The following PUDP variants were observed in gnomAD, a reference collection of about 807,000 sequenced individuals.
PUDP encodes the protein pseudouridine 5'-phosphatase.
A neutral mutation model predicts 9.4 loss-of-function variants in PUDP; 8 were observed. The ratio of observed to expected loss-of-function variants is 0.85; its 90% CI spans 0.50 to 1.53. The LOEUF (loss-of-function observed/expected upper bound fraction) is 1.53, where lower values mean the gene tolerates loss of function less well. Among genes scored for constraint, PUDP ranks in the 40% most tolerant of loss-of-function variants. PUDP has a pLI of 0.00. For missense variants in PUDP, 188 were observed against 189.7 expected, an observed-to-expected ratio of 0.99 and a Z score of 0.05; for synonymous variants, 99 against 80.7, an observed-to-expected ratio of 1.23 and a Z score of -1.22.
intron 1 of PUDP, among the ~76,000 whole-genome samples, chrX:7,013,777 G>A (rs765614250): frequency 1.8e-5 from 2 of 111,753 alleles, no homozygotes; most frequent in Non-Finnish European, 1.9e-5. Flanking sequence ...TGTCTGGGGA[G>A]GGGGGGTGCC....
At chrX:7,109,966 T>A (rs1754585549) in intron 1 of PUDP, among the ~76,000 whole-genome samples, 1 of 112,269 alleles carries the variant, frequency 8.9e-6, no homozygotes, top group South Asian at 3.7e-4. Flanking sequence ...CCCTTGTGAC[T>A]GTGACCACTC....
At chrX:6,909,864 T>G (rs1927823484) in intron 3 of PUDP, among the ~76,000 whole-genome samples, 1 of 112,565 alleles carries the variant, frequency 8.9e-6, no homozygotes, top group Non-Finnish European at 1.9e-5. Context: ...CAGTATTATT[T>G]GATTCTGATT....
intron 3 of PUDP, among the ~76,000 whole-genome samples, chrX:6,876,900 CAT>C (rs1221514635): frequency 9.3e-6 from 1 of 107,448 alleles, no homozygotes; most frequent in Non-Finnish European, 1.9e-5. Flanking sequence ...TACATATAGA[CAT>C]ATATATGTGT....
intron 1 of PUDP, among the ~76,000 whole-genome samples, chrX:6,983,721 G>C (rs1336933091): frequency 8.9e-6 from 1 of 111,973 alleles, no homozygotes. Context: ...GAGGTTATGA[G>C]GTAAGAAAAT....
At chrX:7,076,879 C>A (rs187329107) in intron 3 of PUDP, among the ~76,000 whole-genome samples, 4 of 112,199 alleles carry the variant, frequency 3.6e-5, no homozygotes, top group Non-Finnish European at 7.5e-5. Flanking sequence ...TGCACCTAGA[C>A]AATAAGACTG....
At chrX:7,068,551 G>A (rs1333950851) in intron 3 of PUDP, among the ~76,000 whole-genome samples, 2 of 112,026 alleles carry the variant, frequency 1.8e-5, no homozygotes, top group African/African-American at 6.5e-5. Flanking sequence ...GGGAAGAAAC[G>A]TACAAATGAG....
intron 3 of PUDP, among the ~76,000 whole-genome samples, chrX:6,920,614 A>C (rs1602673491): frequency 9.0e-6 from 1 of 111,602 alleles, no homozygotes; most frequent in Admixed American, 9.5e-5. Flanking sequence ...AAAAGAATGC[A>C]ACCTTTTGTC....
At chrX:6,722,315 C>T (rs1293328756), upstream of PUDP, among the ~76,000 whole-genome samples, 1 of 109,182 alleles carries the variant, frequency 9.2e-6, no homozygotes, top group Non-Finnish European at 1.9e-5. Flanking sequence ...GGTGGTGGCA[C>T]GCGCCTGTAA....
intron 3 of PUDP, among the ~76,000 whole-genome samples, chrX:6,887,192 T>G (rs1352893580): frequency 9.4e-6 from 1 of 106,023 alleles, no homozygotes; most frequent in East Asian, 2.8e-4. Context: ...TATTTATAAT[T>G]AAATATATTT....
At chrX:7,012,544 C>A (rs1421175484) in intron 1 of PUDP, among the ~76,000 whole-genome samples, 1 of 111,324 alleles carries the variant, frequency 9.0e-6, no homozygotes, top group Non-Finnish European at 1.9e-5. Flanking sequence ...CTGATCCCAG[C>A]AAGGCAGGGT....
At chrX:6,990,446 T>G (rs1929160996) in intron 1 of PUDP, among the ~76,000 whole-genome samples, 2 of 112,079 alleles carry the variant, frequency 1.8e-5, no homozygotes, top group African/African-American at 6.5e-5. Flanking sequence ...AAAATTCACT[T>G]ATTTGAACCA....
chrX:6,790,194 A>G (rs1201241284), intron 3 of PUDP, among the ~76,000 whole-genome samples: 1 of 111,800 alleles, frequency 8.9e-6, no homozygotes, highest in Non-Finnish European at 1.9e-5. Context: ...ACAGATAATG[A>G]CATACAAACA....
intron 3 of PUDP, among the ~76,000 whole-genome samples, chrX:6,752,775 G>A (rs1925117314): frequency 9.0e-6 from 1 of 111,428 alleles, no homozygotes; most frequent in East Asian, 2.8e-4. Context: ...AAACTAGGAA[G>A]AAGAGGGAAA....
intron 1 of PUDP, among the ~76,000 whole-genome samples, chrX:7,135,612 C>T (rs185477241): frequency 2.6e-4 from 29 of 112,267 alleles, no homozygotes; most frequent in African/African-American, 9.0e-4. Context: ...TTCCATATCT[C>T]CAACATCAAT....
chrX:6,993,615 A>G (rs914470264), intron 1 of PUDP, among the ~76,000 whole-genome samples: 23 of 112,348 alleles, frequency 2.0e-4, no homozygotes, highest in Non-Finnish European at 4.1e-4. Flanking sequence ...TGCACTTCAT[A>G]CATGGATTTG....
intron 3 of PUDP, among the ~76,000 whole-genome samples, chrX:6,831,372 G>C (rs1246643621): frequency 8.9e-6 from 1 of 111,820 alleles, no homozygotes; most frequent in Non-Finnish European, 1.9e-5. Context: ...GTAAGAAAGG[G>C]GTTTGTCTTA....
chrX:7,065,894 G>C (rs1048719051), intron 3 of PUDP, among the ~76,000 whole-genome samples: 3 of 112,226 alleles, frequency 2.7e-5, no homozygotes, highest in African/African-American at 9.7e-5. Context: ...GCAGTGAAGA[G>C]AAACAATGCC....
At chrX:6,951,377 A>G (rs1928557940) in intron 3 of PUDP, among the ~76,000 whole-genome samples, 1 of 110,757 alleles carries the variant, frequency 9.0e-6, no homozygotes, top group Admixed American at 9.7e-5. Context: ...TTTGTTCTGT[A>G]TTCTTCCAAT....
At chrX:6,875,701 G>A (rs985887019) in intron 3 of PUDP, among the ~76,000 whole-genome samples, 14 of 111,674 alleles carry the variant, frequency 1.3e-4, no homozygotes, top group African/African-American at 4.6e-4. Context: ...GCAGGTAGGT[G>A]TTAAGACAAT....
Sources: gnomAD v4.1 joint callset for allele counts (sites outside exome capture counted in the v4.1 genomes callset) on GRCh38, gnomAD v4.1.1 for gene constraint, MANE v1.5 for transcripts, NCBI Gene and HGNC (gene_info 2026-07-23, HGNC 2026-07-21) for gene names.